The following GLP1R variants were observed in gnomAD, a reference collection of about 807,000 sequenced individuals.
GLP1R encodes glucagon-like peptide 1 receptor.
Under a neutral mutation model 68.4 loss-of-function variants are expected in GLP1R, and 32 were observed. That is an observed-to-expected ratio of 0.47 (90% confidence interval 0.35 to 0.63). The LOEUF (loss-of-function observed/expected upper bound fraction) is 0.63. GLP1R is among the 20% of genes least tolerant of loss of function. GLP1R has a pLI of 0.00. For synonymous variants in GLP1R, 263 were observed against 244.4 expected (o/e 1.08, Z -0.71); for missense variants, 502 against 594.9 (o/e 0.84, Z 1.62).
At chr6:39,080,792 C>A (rs372291735) in intron 12 of GLP1R, 53 bp downstream of exon 12, 3 of 1,163,190 alleles carry the variant, frequency 2.6e-6, no homozygotes, top group Non-Finnish European at 3.8e-6. Flanking sequence ...ACCATCAGCC[C>A]GTCTGGAGTA....
At chr6:39,073,583 C>G in intron 6 of GLP1R, 27 bp from the exon 7 acceptor site, 1 of 1,608,356 alleles carries the variant, frequency 6.2e-7, no homozygotes, top group South Asian at 1.1e-5. Flanking sequence ...AGCTGTTGTC[C>G]CCATGACACC....
In GLP1R at chr6:39,056,503, T is replaced by C. The variant is rs780129874; in HGVS notation, c.175+10T>C. On this transcript the variant is annotated intron_variant, in intron 2 of 12. Transcript: ENST00000373256. ...CCACCTCCTGCCACAGGTGAGTCCA[T>C]GTAGGCTCCCCACCTTTAGTGCTCC... 12 of 1,441,994 alleles carry C rather than the reference T, an allele frequency of 8.3e-6. No homozygotes were observed. In the South Asian group the frequency reaches 1.3e-4, roughly 15 times the overall value. 89.3% of individuals were successfully genotyped at this position (1,441,994 alleles called of 1,614,324 possible). A position where few individuals can be genotyped will look rare whatever the true frequency, so the allele number is the denominator to read the frequency against.
chr6:39,062,788 TC>T (rs1486276525), intron 3 of GLP1R, among the ~76,000 whole-genome samples: 1 of 152,258 alleles, frequency 6.6e-6, no homozygotes, highest in Non-Finnish European at 1.5e-5. Flanking sequence ...TAGTTGATGA[TC>T]TTAGGCAAGT....
In GLP1R at chr6:39,072,972, C is replaced by T. The variant is rs1193326947; in HGVS notation, c.620C>T (p.Thr207Ile). ...GCAGCCCTGAAGTGGATGTATAGCA[C>T]AGCCGCCCAGCAGCACCAGTGGGAT... ...KDAALKWMYSTAAQQHQWDGL... is the reference protein window; with the variant it reads ...KDAALKWMYSIAAQQHQWDGL... The change falls in exon 6 of 13, where the codon ACA (threonine) becomes ATA (isoleucine). Residue 207 changes from threonine to isoleucine, a missense_variant. By Grantham distance (89) the Thr-to-Ile change is moderately conservative. Coordinates refer to ENST00000373256, the MANE Select transcript of GLP1R (RefSeq NM_002062.5). 6.2e-7 allele frequency: 1 copy of T among 1,614,152 alleles called. No individual in the cohort carries two copies. Among genetic ancestry groups the T allele is most frequent in the Non-Finnish European group, 8.5e-7 (1 of 1,179,978 alleles).
At chr6:39,065,209 C>T (rs1768469785) in intron 3 of GLP1R, among the ~76,000 whole-genome samples, 1 of 152,146 alleles carries the variant, frequency 6.6e-6, no homozygotes, top group African/African-American at 2.4e-5. Context: ...GAACTCAGTG[C>T]CAACCTTGTT....
At chr6:39,085,474 C>A (rs1429975344) in intron 12 of GLP1R, among the ~76,000 whole-genome samples, 1 of 152,184 alleles carries the variant, frequency 6.6e-6, no homozygotes, top group African/African-American at 2.4e-5. Context: ...GCTGTAGACA[C>A]CAGGAAGGCT....
intron 3 of GLP1R, 44 bp downstream of exon 3, chr6:39,057,623 GGTGAACCCCCTCCCCGACCT>G: frequency 8.5e-7 from 1 of 1,170,386 alleles, no homozygotes; most frequent in Non-Finnish European, 1.2e-6. Flanking sequence ...GGCCAGCAGT[GGTGAACCCCCTCCCCGACCT>G]GGTATCTGCC....
rs1380714677 is a variant in GLP1R at position 39,090,915 on chromosome 6, GTTTACACT to G, written c.*4845_*4852del. 2.6e-5 allele frequency among the ~76,000 whole-genome samples: 4 copies of G among 152,122 alleles called. No homozygotes were observed. The highest frequency in any genetic ancestry group is 5.9e-5 in the Non-Finnish European group (4 of 68,032). On this transcript the variant is annotated 3_prime_UTR_variant, in exon 13 of 13. Transcript: ENST00000373256. ...AGCCAGTGCTTGATCTTGCCAAACAGTTTACACTTTACCTCCAAACCTGCAGTTCTAAG... is the reference window on the plus strand; with the variant it reads ...AGCCAGTGCTTGATCTTGCCAAACAGTTACCTCCAAACCTGCAGTTCTAAG...
chr6:39,069,184 C>T (rs1768593150), intron 5 of GLP1R, among the ~76,000 whole-genome samples: 1 of 152,180 alleles, frequency 6.6e-6, no homozygotes, highest in South Asian at 2.1e-4. Context: ...CACAATTCAG[C>T]CAAGTTATTT....
intron 3 of GLP1R, among the ~76,000 whole-genome samples, chr6:39,064,045 A>G (rs880347): frequency 0.3 from 42,124 of 138,214 alleles, 7,582 homozygotes; most frequent in Non-Finnish European, 0.41. Context: ...TCTGTCGCCT[A>G]GGCTGGAGTA....
chr6:39,073,873 G>T, intron 7 of GLP1R, 104 bp downstream of exon 7: 1 of 1,001,010 alleles, frequency 1.0e-6, no homozygotes, highest in Non-Finnish European at 1.5e-6. Context: ...CAAGGGGCAA[G>T]GCCCACTGGG....
chr6:39,078,873 C>T, intron 8 of GLP1R, 84 bp from the exon 9 acceptor site: 1 of 1,131,590 alleles, frequency 8.8e-7, no homozygotes, highest in Admixed American at 1.7e-5. Flanking sequence ...TGGCCATGTG[C>T]ATTGGCGGCC....
chr6:39,081,906 G>C (rs141343904), intron 12 of GLP1R, among the ~76,000 whole-genome samples: 78 of 152,292 alleles, frequency 5.1e-4, no homozygotes, highest in Middle Eastern at 3.4e-3. Flanking sequence ...GGTGCGAAAG[G>C]GGAACAGAGA....
At chr6:39,054,857 G>A (rs1768174101) in intron 1 of GLP1R, among the ~76,000 whole-genome samples, 1 of 152,246 alleles carries the variant, frequency 6.6e-6, no homozygotes, top group South Asian at 2.1e-4. Flanking sequence ...AAACGGGGCG[G>A]TGGGGGTTGA....
rs2150843405 is a variant in GLP1R at position 39,091,244 on chromosome 6, T to A, written c.*5171T>A. 6.6e-6 allele frequency among the ~76,000 whole-genome samples: 1 copy of A among 152,328 alleles called. No homozygotes were observed. Among genetic ancestry groups the A allele is most frequent in the East Asian group, 1.9e-4 (1 of 5,186 alleles). On this transcript the variant is annotated 3_prime_UTR_variant, in exon 13 of 13. Coordinates refer to ENST00000373256, the MANE Select transcript of GLP1R (RefSeq NM_002062.5). ...ATATAATTCCTTGTACAGATGTGAA[T>A]GGATGCAGACTCTTTCCTAATTTGC...
rs10305436 is a variant in GLP1R, at chr6:39,056,380, A to G, written c.79-17A>G. The G allele has an allele frequency of 3.0e-3, 4,361 of 1,436,242 alleles. 76 individuals carry two copies. The highest frequency in any genetic ancestry group is 0.028 in the East Asian group (1,241 of 43,744). The allele number at this position is 1,436,242 out of a possible 1,614,324, so 89.0% of individuals were successfully genotyped here. The stretch of plus-strand genomic sequence containing the variant: ...CTGGCTGAACCCACAGGCCTCCCAT[A>G]TATGCCCTCCCCCCAGGGTGCCACT... On this transcript the variant is annotated splice_polypyrimidine_tract_variant and intron_variant, in intron 1 of 12. Coordinates refer to ENST00000373256, the MANE Select transcript of GLP1R (RefSeq NM_002062.5).
intron 7 of GLP1R, among the ~76,000 whole-genome samples, chr6:39,076,696 CAT>C (rs900270196): frequency 2.0e-5 from 3 of 152,212 alleles, no homozygotes; most frequent in East Asian, 1.9e-4. Context: ...CTCACACACA[CAT>C]GTCTACATAC....
intron 3 of GLP1R, among the ~76,000 whole-genome samples, chr6:39,064,029 T>G (rs2150826524): frequency 2.2e-5 from 3 of 137,132 alleles, no homozygotes; most frequent in Non-Finnish European, 3.1e-5. Context: ...TGAGGCAGAG[T>G]CTCACTCTGT....
chr6:39,065,524 G>A (rs903926693), intron 3 of GLP1R, among the ~76,000 whole-genome samples, 187 bp from the exon 4 acceptor site: 1 of 152,230 alleles, frequency 6.6e-6, no homozygotes, highest in Admixed American at 6.5e-5. Context: ...ATATGTCAGG[G>A]GAGGAAGGTC....
Sources: gnomAD v4.1 joint callset for allele counts (sites outside exome capture counted in the v4.1 genomes callset) on GRCh38, gnomAD v4.1.1 for gene constraint, MANE v1.5 for transcripts, NCBI Gene and HGNC (gene_info 2026-07-23, HGNC 2026-07-21) for gene names.